Variants in BNC1 observed in about 807,000 individuals in gnomAD.
The protein encoded by BNC1 is zinc finger protein basonuclin-1.
A neutral mutation model predicts 66.5 loss-of-function variants in BNC1; 8 were observed. That is an observed-to-expected ratio of 0.12 (90% confidence interval 0.07 to 0.22). The LOEUF (loss-of-function observed/expected upper bound fraction) is 0.22, where lower values mean the gene tolerates loss of function less well. Ranked by LOEUF, BNC1 falls within the 10% of genes least tolerant of loss-of-function variation. The pLI, the probability that BNC1 is intolerant of heterozygous loss-of-function variation, is 1.00. For missense variants in BNC1, 1,069 were observed against 1,241.3 expected (o/e 0.86, Z 2.09); for synonymous variants, 454 against 452.6 (o/e 1.00, Z -0.04).
At position 83,276,384 on chromosome 15, in the gene BNC1, T is replaced by C. The variant is rs145213652; in HGVS notation, c.99+8146A>G. On this transcript the variant is annotated intron_variant, in intron 1 of 4. Transcript: ENST00000345382. ...CCAAACCAACACTTAGCACTGGGCC[T>C]GATACTTGGTAAGCCCTCCACTGGT... Among the ~76,000 whole-genome samples, 573 of 152,368 alleles carry C rather than the reference T, an allele frequency of 3.8e-3. 4 individuals carry two copies. The highest frequency in any genetic ancestry group is 0.013 in the African/African-American group (552 of 41,586).
intron 4 of BNC1, 74 bp downstream of exon 4, chr15:83,262,877 C>CA: frequency 7.1e-7 from 1 of 1,411,120 alleles, no homozygotes; most frequent in Non-Finnish European, 9.5e-7. Flanking sequence ...TAACAATTCT[C>CA]CGGGTGATTC....
At chr15:83,268,761 G>A (rs991692889) in intron 1 of BNC1, among the ~76,000 whole-genome samples, 2 of 152,298 alleles carry the variant, frequency 1.3e-5, no homozygotes, top group African/African-American at 2.4e-5. Context: ...ATTCCCTGAC[G>A]CCATTCACTG....
intron 2 of BNC1, 105 bp from the exon 3 acceptor site, chr15:83,267,176 A>C (rs951582130): frequency 1.3e-6 from 1 of 794,192 alleles, no homozygotes; most frequent in South Asian, 1.7e-5. Context: ...TTTATTCCAC[A>C]GAAAATACAT....
chr15:83,266,303 T>TAG (rs1344721908), intron 3 of BNC1, among the ~76,000 whole-genome samples: 1 of 150,946 alleles, frequency 6.6e-6, no homozygotes, highest in Non-Finnish European at 1.5e-5. Flanking sequence ...CACACACATA[T>TAG]AGAGAGAGAG....
chr15:83,276,118 G>T (rs1195176065), intron 1 of BNC1, among the ~76,000 whole-genome samples: 1 of 152,112 alleles, frequency 6.6e-6, no homozygotes, highest in African/African-American at 2.4e-5. Context: ...ACCTACTCCT[G>T]CCTACCTCAG....
chr15:83,273,650 T>A (rs1271252082), intron 1 of BNC1, among the ~76,000 whole-genome samples: 3 of 152,186 alleles, frequency 2.0e-5, no homozygotes, highest in Non-Finnish European at 4.4e-5. Context: ...CTGACACACC[T>A]AGTATGTGAT....
At position 83,269,630 on chromosome 15, in the gene BNC1, T is replaced by C. The variant is rs116161420; in HGVS notation, c.100-1398A>G. Among the ~76,000 whole-genome samples, 453 of 152,244 alleles carry C rather than the reference T, an allele frequency of 3.0e-3. 1 individual carries two copies. Among genetic ancestry groups the C allele is most frequent in the African/African-American group, 9.9e-3 (413 of 41,540 alleles). ...ACTTAAAAATTGGTTGCTGGTGGGA[T>C]TGTAAAATGGTACAGCCACTTTGGA... On this transcript the variant is annotated intron_variant, in intron 1 of 4. Transcript: ENST00000345382.
chr15:83,268,197 A>T lies in BNC1; in HGVS notation c.135T>A (p.Ser45Arg), dbSNP rs770005610. Reference protein sequence around the residue: ...ISCTLNCSCQSFKPGKINHRQ... With the variant: ...ISCTLNCSCQRFKPGKINHRQ... Reference sequence around the variant, plus strand: ...GGTGGTTTATTTTCCCGGGTTTGAAACTTTGGCAACTACAGTTCAGAGTAC... The same window carrying T: ...GGTGGTTTATTTTCCCGGGTTTGAATCTTTGGCAACTACAGTTCAGAGTAC... Residue 45 changes from serine (S) to arginine (R), a missense_variant, in exon 2 of 5, where the codon AGT becomes AGA. Transcript: ENST00000345382. The T allele has an allele frequency of 1.9e-6, 3 of 1,614,222 alleles. No individual in the cohort carries two copies.
At chr15:83,282,177 C>T (rs1207121849) in intron 1 of BNC1, among the ~76,000 whole-genome samples, 2 of 152,184 alleles carry the variant, frequency 1.3e-5, no homozygotes, top group African/African-American at 2.4e-5. Flanking sequence ...AACATAATTA[C>T]GAGTTCCCAA....
intron 4 of BNC1, among the ~76,000 whole-genome samples, chr15:83,261,368 G>A (rs1356569341): frequency 6.6e-6 from 1 of 152,230 alleles, no homozygotes; most frequent in Non-Finnish European, 1.5e-5. Flanking sequence ...CCAGGAATGT[G>A]TGTGGGAGTC....
chr15:83,283,604 G>T, intron 1 of BNC1: 1 of 786,224 alleles, frequency 1.3e-6, no homozygotes, highest in Non-Finnish European at 1.5e-6. Flanking sequence ...GGCAGGCGCA[G>T]CCGCGGGCTC....
At chr15:83,258,440 G>C (rs1030169568) in intron 4 of BNC1, among the ~76,000 whole-genome samples, 2 of 152,178 alleles carry the variant, frequency 1.3e-5, no homozygotes, top group African/African-American at 4.8e-5. Flanking sequence ...TGAGCTCACT[G>C]TTTCAGAGCT....
intron 4 of BNC1, among the ~76,000 whole-genome samples, chr15:83,258,542 A>G (rs1372781339): frequency 6.6e-6 from 1 of 152,186 alleles, no homozygotes; most frequent in Non-Finnish European, 1.5e-5. Flanking sequence ...CCCCCATTGT[A>G]GAAGTCATCA....
Position 83,257,402 on chromosome 15 carries a change from TG to T in BNC1, c.*39del. 2 of 1,544,434 alleles carry T rather than the reference TG, an allele frequency of 1.3e-6. No homozygotes were observed. ...TATGGACTACTTTATTCCTGAATTA[TG>T]AAAAAAGCTTATCTGAGCATACTTG... is the stretch of plus-strand genomic sequence containing the variant. On this transcript the variant is annotated 3_prime_UTR_variant, in exon 5 of 5. Transcript: ENST00000345382.
chr15:83,283,205 C>T (rs979144764), intron 1 of BNC1: 7 of 1,535,722 alleles, frequency 4.6e-6, no homozygotes, highest in South Asian at 2.4e-5. Context: ...CATGTTTCTA[C>T]ACCGCATTTG....
chr15:83,266,581 T>C (rs868742923), intron 3 of BNC1, among the ~76,000 whole-genome samples: 1 of 152,140 alleles, frequency 6.6e-6, no homozygotes, highest in East Asian at 1.9e-4. Flanking sequence ...AAATGGTTTA[T>C]TGTGGAAGAG....
Position 83,264,549 on chromosome 15 carries a change from C to A in BNC1, c.702G>T (p.Glu234Asp). Reference sequence around the variant, plus strand: ...TGAAAGTCATGTTGCTTATGAGGTTCTCAAAGGGGTGTATACTGCTGGGGT... The same window carrying A: ...TGAAAGTCATGTTGCTTATGAGGTTATCAAAGGGGTGTATACTGCTGGGGT... Reference protein sequence around the residue: ...KGNPSSIHPFENLISNMTFML... With the variant: ...KGNPSSIHPFDNLISNMTFML... Residue 234 changes from glutamate (E) to aspartate (D), a missense_variant, in exon 4 of 5, where the codon GAG becomes GAT. Physicochemically the swap from Glu to Asp is conservative, Grantham distance 45. Transcript: ENST00000345382. 1 of 1,614,066 alleles carries A rather than the reference C, an allele frequency of 6.2e-7. No individual in the cohort carries two copies. The highest frequency in any genetic ancestry group is 2.2e-5 in the East Asian group (1 of 44,880).
intron 3 of BNC1, 59 bp downstream of exon 3, chr15:83,266,777 T>G: frequency 6.7e-7 from 1 of 1,495,568 alleles, no homozygotes; most frequent in Non-Finnish European, 9.3e-7. Flanking sequence ...GTTACGTCAG[T>G]TATATGGGCA....
Position 83,263,284 on chromosome 15 carries a change from T to G in BNC1, c.1967A>C (p.His656Pro). 1.2e-6 allele frequency: 2 copies of G among 1,614,204 alleles called. No individual in the cohort carries two copies. Among genetic ancestry groups the G allele is most frequent in the Non-Finnish European group, 1.7e-6 (2 of 1,180,034 alleles). ...PREVEDGGHE[H>P]YFTPGMEPQV... The stretch of plus-strand genomic sequence containing the variant: ...GGGTTCCATCCCAGGTGTGAAGTAG[T>G]GTTCATGGCCACCATCCTCGACCTC... The change falls in exon 4 of 5, where the codon CAC becomes CCC. Residue 656 changes from histidine (H) to proline (P), a missense_variant. Physicochemically the swap from His to Pro is moderately conservative, Grantham distance 77 (BLOSUM62 -2). Around this residue, in one of 7 missense-constraint regions of BNC1, gnomAD observed 657 missense variants for 715.8 expected, o/e 0.92. Coordinates refer to ENST00000345382, the MANE Select transcript of BNC1 (RefSeq NM_001717.4).
Sources: allele counts gnomAD v4.1 joint callset (sites outside exome capture counted in the v4.1 genomes callset), GRCh38; gene constraint gnomAD v4.1.1; regional missense constraint gnomAD v4.1.1; transcripts MANE v1.5; gene names NCBI Gene and HGNC (gene_info 2026-07-23, HGNC 2026-07-21).